Variants in CAMK4 observed in about 807,000 individuals in gnomAD.
The protein encoded by CAMK4 is calcium/calmodulin-dependent protein kinase type IV.
In CAMK4, 22 loss-of-function variants were observed where a neutral mutation model predicts 44.9. The ratio of observed to expected loss-of-function variants is 0.49; its 90% CI spans 0.35 to 0.70. The LOEUF is 0.70. CAMK4 is among the 30% of genes least tolerant of loss of function. The probability of loss-of-function intolerance (pLI) is 0.01; values close to 1 mark genes in which losing one functional copy is unlikely to be tolerated. For missense variants in CAMK4, 498 were observed against 586.8 expected (o/e 0.85, Z 1.56); for synonymous variants, 218 against 215.4 (o/e 1.01, Z -0.11).
chr5:111,348,269 G>A (rs369175865), intron 2 of CAMK4, among the ~76,000 whole-genome samples: 2 of 152,004 alleles, frequency 1.3e-5, no homozygotes, highest in East Asian at 1.9e-4. Flanking sequence ...ATTCCATTAA[G>A]TACTCAAATA....
Position 111,478,457 on chromosome 5 carries a change from T to A in CAMK4, c.778T>A (p.Tyr260Asn). ...MFRRILNCEY[Y>N]FISPWWDEVS... The stretch of plus-strand genomic sequence containing the variant: ...CAGGAGAATTCTGAATTGTGAATAT[T>A]ACTTTATCTCCCCCTGGTGGGATGA... The change falls in exon 9 of 11, where the codon TAC becomes AAC. Residue 260 changes from tyrosine (Y) to asparagine (N), a missense_variant. Around this residue, in one of 3 missense-constraint regions of CAMK4, gnomAD observed 203 missense variants for 298.2 expected, o/e 0.68. Transcript: ENST00000282356. 3.8e-6 allele frequency: 6 copies of A among 1,559,630 alleles called. No homozygotes were observed. The highest frequency in any genetic ancestry group is 1.7e-4 in the Middle Eastern group (1 of 5,958).
intron 2 of CAMK4, among the ~76,000 whole-genome samples, chr5:111,356,824 C>T (rs569794057): frequency 3.3e-5 from 5 of 152,138 alleles, no homozygotes; most frequent in East Asian, 3.9e-4. Flanking sequence ...AGATATGCGG[C>T]GTTATTTCTG....
chr5:111,427,136 T>C (rs1451753550), intron 5 of CAMK4, among the ~76,000 whole-genome samples: 1 of 152,092 alleles, frequency 6.6e-6, no homozygotes, highest in Non-Finnish European at 1.5e-5. Context: ...AAGGACTTTA[T>C]CTTGCATCTA....
intron 9 of CAMK4, among the ~76,000 whole-genome samples, chr5:111,481,742 C>T (rs546288669): frequency 3.5e-4 from 53 of 152,238 alleles, no homozygotes; most frequent in African/African-American, 1.3e-3. Flanking sequence ...CCATCAATTC[C>T]AAATTGTCTG....
rs1348672157 is a variant in CAMK4, at chr5:111,492,626, A to C, written c.*8160A>C. Reference sequence around the variant, plus strand: ...ATAGTTTAGGGGATATTAGGCCTACATTCTAATCACATTGTAAGGAAGTGA... The same window carrying C: ...ATAGTTTAGGGGATATTAGGCCTACCTTCTAATCACATTGTAAGGAAGTGA... On this transcript the variant is annotated 3_prime_UTR_variant, in exon 11 of 11. Coordinates refer to ENST00000282356, the MANE Select transcript of CAMK4 (RefSeq NM_001744.6). 6.6e-6 allele frequency: 1 copy of C among 152,214 alleles called. No individual in the cohort carries two copies. The highest frequency in any genetic ancestry group is 1.5e-5 in the Non-Finnish European group (1 of 68,022). 9.4% of individuals were successfully genotyped at this position (152,214 alleles called of 1,614,324 possible).
intron 5 of CAMK4, among the ~76,000 whole-genome samples, chr5:111,441,548 G>A (rs1451635782): frequency 6.6e-6 from 1 of 152,028 alleles, no homozygotes; most frequent in Non-Finnish European, 1.5e-5. Context: ...TGTCAGATTT[G>A]TTGTTTCTGT....
chr5:111,351,409 C>CTTTTTT (rs1230580699), intron 2 of CAMK4, among the ~76,000 whole-genome samples: 2 of 142,634 alleles, frequency 1.4e-5, no homozygotes, highest in East Asian at 2.0e-4. Flanking sequence ...TTTTCTTTTT[C>CTTTTTT]TTTTTTTTTT....
At chr5:111,305,792 C>CA (rs1747906448) in intron 1 of CAMK4, among the ~76,000 whole-genome samples, 1 of 120,820 alleles carries the variant, frequency 8.3e-6, no homozygotes, top group Admixed American at 9.0e-5. Flanking sequence ...GAGACACAAC[C>CA]AAAAAAGAGA....
At chr5:111,242,912 C>G (rs75240270) in intron 1 of CAMK4, among the ~76,000 whole-genome samples, 1 of 152,192 alleles carries the variant, frequency 6.6e-6, no homozygotes, top group East Asian at 1.9e-4. Context: ...GGTGTCATCT[C>G]GGGAAGCCCT....
chr5:111,460,795 G>T (rs1283437651), intron 7 of CAMK4, among the ~76,000 whole-genome samples: 1 of 151,950 alleles, frequency 6.6e-6, no homozygotes, highest in African/African-American at 2.4e-5. Context: ...AAGATAGGAA[G>T]GCTCAATGGA....
chr5:111,377,662 C>T, intron 4 of CAMK4, among the ~76,000 whole-genome samples: 1 of 152,156 alleles, frequency 6.6e-6, no homozygotes, highest in Admixed American at 6.6e-5. Flanking sequence ...CTGATGGGCT[C>T]TTGAGAGCCT....
rs1755808382 is a variant in CAMK4 at position 111,491,046 on chromosome 5, ATTCAT to A, written c.*6583_*6587del. 1 of 152,220 alleles carries A rather than the reference ATTCAT, an allele frequency of 6.6e-6. No individual in the cohort carries two copies. Among genetic ancestry groups the A allele is most frequent in the Admixed American group, 6.5e-5 (1 of 15,276 alleles). The allele number at this position is 152,220 out of a possible 1,614,324, so 9.4% of individuals were successfully genotyped here. On this transcript the variant is annotated 3_prime_UTR_variant, in exon 11 of 11. Coordinates refer to ENST00000282356, the MANE Select transcript of CAMK4 (RefSeq NM_001744.6). ...TTATGCTCTTACTTGAATGTCAGTC[ATTCAT>A]TTTATCTCTCGTCTTTGAGATACAC...
At position 111,456,972 on chromosome 5, in the gene CAMK4, C is replaced by T. The variant is rs569327384; in HGVS notation, c.625+7769C>T. 5.9e-5 allele frequency among the ~76,000 whole-genome samples: 9 copies of T among 152,308 alleles called. No individual in the cohort carries two copies. In the East Asian group the frequency reaches 1.2e-3, roughly 20 times the overall value. On this transcript the variant is annotated intron_variant, in intron 7 of 10. Transcript: ENST00000282356. Reference sequence around the variant, plus strand: ...GAAACAGGAGATATGCTGAAGTTCACTGAGTCAGTTCCAGCATCTGATCTG... The same window carrying T: ...GAAACAGGAGATATGCTGAAGTTCATTGAGTCAGTTCCAGCATCTGATCTG...
At chr5:111,480,639 A>T (rs576449139) in intron 9 of CAMK4, among the ~76,000 whole-genome samples, 2 of 152,134 alleles carry the variant, frequency 1.3e-5, no homozygotes, top group Admixed American at 1.3e-4. Context: ...CCCCTTTGTC[A>T]TGTCCTGGAA....
chr5:111,331,863 T>C (rs1253495588), intron 1 of CAMK4, among the ~76,000 whole-genome samples: 1 of 151,684 alleles, frequency 6.6e-6, no homozygotes. Flanking sequence ...TTGAAAATTA[T>C]ATATTTATTT....
At chr5:111,367,353 T>C (rs1279294930) in intron 2 of CAMK4, among the ~76,000 whole-genome samples, 2 of 151,768 alleles carry the variant, frequency 1.3e-5, no homozygotes, top group Non-Finnish European at 2.9e-5. Flanking sequence ...TGAGAGCACA[T>C]ACCTCATGAC....
At chr5:111,407,578 T>C (rs954180541) in intron 5 of CAMK4, among the ~76,000 whole-genome samples, 2 of 152,064 alleles carry the variant, frequency 1.3e-5, no homozygotes, top group Non-Finnish European at 2.9e-5. Flanking sequence ...ATGTAGACCA[T>C]GACAGGAAGG....
At chr5:111,460,271 CT>C (rs369690377) in intron 7 of CAMK4, among the ~76,000 whole-genome samples, 9,041 of 131,388 alleles carry the variant, frequency 0.069, 846 homozygotes, top group African/African-American at 0.23. Context: ...TTTTCTTTTT[CT>C]TTTTTTTTTT....
intron 4 of CAMK4, among the ~76,000 whole-genome samples, chr5:111,384,331 C>G (rs993979221): frequency 6.6e-6 from 1 of 152,074 alleles, no homozygotes; most frequent in Non-Finnish European, 1.5e-5. Context: ...TCTTGGCTTT[C>G]GTCCAACTTT....
Sources: allele counts gnomAD v4.1 joint callset (sites outside exome capture counted in the v4.1 genomes callset), GRCh38; gene constraint gnomAD v4.1.1; regional missense constraint gnomAD v4.1.1; transcripts MANE v1.5; gene names NCBI Gene and HGNC (gene_info 2026-07-23, HGNC 2026-07-21).